Variants in ROBO2 observed in about 807,000 individuals in gnomAD.
ROBO2 encodes the protein roundabout guidance receptor 2, also known as roundabout homolog 2.
Under a neutral mutation model 160.8 loss-of-function variants are expected in ROBO2, and 53 were observed. The observed-to-expected ratio is 0.33, with a 90% CI of 0.26 to 0.41. ROBO2 has a LOEUF of 0.41. Among genes scored for constraint, ROBO2 ranks in the 10% least tolerant of loss-of-function variants. The pLI, the probability that ROBO2 is intolerant of heterozygous loss-of-function variation, is 1.00. For synonymous variants in ROBO2, 664 were observed against 611.7 expected (o/e 1.09, Z -1.26); for missense variants, 1,577 against 1,722.4 (o/e 0.92, Z 1.49).
chr3:76,049,610 A>T (rs1437131915), intron 2 of ROBO2, among the ~76,000 whole-genome samples: 3 of 151,666 alleles, frequency 2.0e-5, no homozygotes, highest in African/African-American at 7.3e-5. Context: ...TAAGGCCTAA[A>T]TATTTTCTAA....
intron 2 of ROBO2, among the ~76,000 whole-genome samples, chr3:76,123,808 C>A: frequency 6.6e-6 from 1 of 152,092 alleles, no homozygotes; most frequent in East Asian, 1.9e-4. Flanking sequence ...CTTCCTACAC[C>A]TTGATCCCTA....
At chr3:75,987,758 G>C (rs888818667) in intron 2 of ROBO2, among the ~76,000 whole-genome samples, 2 of 151,940 alleles carry the variant, frequency 1.3e-5, no homozygotes, top group South Asian at 4.1e-4. Context: ...TTTTTGATAT[G>C]AAAGATGTTG....
At chr3:76,622,245 A>AGAAAGAAAGAAAGAAAGAAGGAAGGAAG (rs1560252245) in intron 2 of ROBO2, among the ~76,000 whole-genome samples, 1 of 44,166 alleles carries the variant, frequency 2.3e-5, no homozygotes, top group African/African-American at 9.6e-5. Flanking sequence ...GAAGAAAGAA[A>AGAAAGAAAGAAAGAAAGAAGGAAGGAAG]GAAAGAAAGA....
intron 2 of ROBO2, among the ~76,000 whole-genome samples, chr3:76,140,055 T>A (rs193213775): frequency 6.6e-6 from 1 of 152,060 alleles, no homozygotes; most frequent in Non-Finnish European, 1.5e-5. Flanking sequence ...ATTTTGGTTT[T>A]ACCATAAATA....
intron 2 of ROBO2, among the ~76,000 whole-genome samples, chr3:76,316,332 G>T (rs2072025411): frequency 1.3e-5 from 2 of 152,074 alleles, no homozygotes. Flanking sequence ...CTCCCCCAAG[G>T]AATGCAATTC....
chr3:77,188,934 A>G (rs980759123), intron 2 of ROBO2, among the ~76,000 whole-genome samples: 1 of 127,150 alleles, frequency 7.9e-6, no homozygotes, highest in African/African-American at 2.6e-5. Flanking sequence ...TTGAAGCCAG[A>G]TTACTTTTGT....
intron 21 of ROBO2, among the ~76,000 whole-genome samples, chr3:77,613,234 A>T (rs530675399): frequency 0.01 from 1,533 of 149,476 alleles, 26 homozygotes; most frequent in African/African-American, 0.035. Context: ...TTTTTTTTTT[A>T]AATTTCATGT....
Position 76,441,925 on chromosome 3 carries a change from C to T in ROBO2, c.109+504323C>T, listed in dbSNP as rs770222706. Reference sequence around the variant, plus strand: ...ATCTGCCTTTAATTTAGTAAATGTGCTACATTTAAGGGGACAGAGGAAGCA... The same window carrying T: ...ATCTGCCTTTAATTTAGTAAATGTGTTACATTTAAGGGGACAGAGGAAGCA... On this transcript the variant is annotated intron_variant, in intron 2 of 26. Transcript: ENST00000487694. 4.3e-4 allele frequency among the ~76,000 whole-genome samples: 65 copies of T among 151,996 alleles called. 1 individual carries two copies. Among genetic ancestry groups the T allele is most frequent in the Non-Finnish European group, 7.8e-4 (53 of 68,010 alleles).
At chr3:77,521,987 A>T (rs1288324191) in intron 5 of ROBO2, among the ~76,000 whole-genome samples, 1 of 151,320 alleles carries the variant, frequency 6.6e-6, no homozygotes, top group Non-Finnish European at 1.5e-5. Flanking sequence ...TAAAAACCAC[A>T]GGTAAATATC....
chr3:76,079,691 G>C (rs2068756774), intron 2 of ROBO2, among the ~76,000 whole-genome samples: 1 of 151,840 alleles, frequency 6.6e-6, no homozygotes, highest in African/African-American at 2.4e-5. Context: ...TCACCGTGTT[G>C]CCCAGGCTGG....
chr3:77,108,588 T>G (rs58052335), intron 2 of ROBO2, among the ~76,000 whole-genome samples: 177 of 152,260 alleles, frequency 1.2e-3, no homozygotes, highest in African/African-American at 4.1e-3. Flanking sequence ...ATGAGGAGTC[T>G]GAGTCGCCTC....
intron 2 of ROBO2, among the ~76,000 whole-genome samples, chr3:76,342,890 T>C (rs1016795345): frequency 6.6e-6 from 1 of 152,118 alleles, no homozygotes. Context: ...GTGACACAGT[T>C]GTTTGAATGG....
rs59409802 is a variant in ROBO2, at chr3:77,538,170, CTTT to C, written c.935-8144_935-8142del. Reference sequence around the variant, plus strand: ...GGTAATTTAGCAATTTGATCATTTACTTTTTTTTTTTTTTTTTTTTTTTTTTGA... The same window carrying C: ...GGTAATTTAGCAATTTGATCATTTACTTTTTTTTTTTTTTTTTTTTTTTGA... On this transcript the variant is annotated intron_variant, in intron 6 of 25. Coordinates refer to ENST00000461745, the Ensembl canonical transcript of ROBO2. 5.9e-5 allele frequency among the ~76,000 whole-genome samples: 6 copies of C among 102,484 alleles called. No homozygotes were observed. In the East Asian group the frequency reaches 1.7e-3, roughly 28 times the overall value. The allele number at this position is 102,484 out of a possible 152,430, so 67.2% of individuals were successfully genotyped here.
At chr3:76,988,785 G>T (rs1375891732) in intron 2 of ROBO2, among the ~76,000 whole-genome samples, 12 of 152,084 alleles carry the variant, frequency 7.9e-5, no homozygotes, top group Admixed American at 6.6e-5. Context: ...ACTGCAGTTT[G>T]TGCTTCGAGA....
chr3:77,444,283 T>C (rs2153556575), intron 2 of ROBO2, among the ~76,000 whole-genome samples: 1 of 152,320 alleles, frequency 6.6e-6, no homozygotes, highest in African/African-American at 2.4e-5. Flanking sequence ...GATGAAGCTT[T>C]AAGGGAATAT....
chr3:77,638,534 T>C (rs2095300799), intron 24 of ROBO2, among the ~76,000 whole-genome samples: 1 of 152,090 alleles, frequency 6.6e-6, no homozygotes, highest in Non-Finnish European at 1.5e-5. Flanking sequence ...AAAGCTGCCT[T>C]CCCTGTGTCC....
intron 2 of ROBO2, among the ~76,000 whole-genome samples, chr3:77,445,284 A>G (rs1007125645): frequency 6.6e-6 from 1 of 152,176 alleles, no homozygotes; most frequent in East Asian, 1.9e-4. Flanking sequence ...ATTAAAATTA[A>G]GACTATCTCA....
intron 2 of ROBO2, among the ~76,000 whole-genome samples, chr3:77,324,465 G>C (rs1395635847): frequency 6.6e-6 from 1 of 152,076 alleles, no homozygotes; most frequent in Non-Finnish European, 1.5e-5. Context: ...AGGGAAAGTA[G>C]AAACACAAGT....
intron 5 of ROBO2, among the ~76,000 whole-genome samples, chr3:77,497,177 A>T (rs1311996061): frequency 6.6e-6 from 1 of 152,106 alleles, no homozygotes; most frequent in Non-Finnish European, 1.5e-5. Flanking sequence ...TTCTGAAGAT[A>T]TTACCGTTTC....
Sources: allele counts gnomAD v4.1 joint callset (sites outside exome capture counted in the v4.1 genomes callset), GRCh38; gene constraint gnomAD v4.1.1; transcripts MANE v1.5; gene names NCBI Gene and HGNC (gene_info 2026-07-23, HGNC 2026-07-21).